The following CPED1 variants were observed in gnomAD, a reference collection of about 807,000 sequenced individuals.
CPED1 encodes the protein cadherin-like and PC-esterase domain-containing protein 1.
A neutral mutation model predicts 128.2 loss-of-function variants in CPED1; 114 were observed. The ratio of observed to expected loss-of-function variants is 0.89; its 90% CI spans 0.76 to 1.04. The LOEUF (loss-of-function observed/expected upper bound fraction) is 1.04. CPED1 is among the 50% of genes least tolerant of loss of function. The pLI is 0.00. For missense variants in CPED1, 1,211 were observed against 1,207.1 expected, an observed-to-expected ratio of 1.00 and a Z score of -0.05; for synonymous variants, 462 against 426.7, an observed-to-expected ratio of 1.08 and a Z score of -1.02.
chr7:121,226,545 C>A (rs1798017913), intron 16 of CPED1, among the ~76,000 whole-genome samples: 1 of 152,022 alleles, frequency 6.6e-6, no homozygotes, highest in Non-Finnish European at 1.5e-5. Flanking sequence ...ATGAAGTGCT[C>A]CAGTCAGTTT....
intron 22 of CPED1, among the ~76,000 whole-genome samples, chr7:121,278,848 G>A (rs556047611): frequency 6.6e-6 from 1 of 152,174 alleles, no homozygotes; most frequent in African/African-American, 2.4e-5. Flanking sequence ...AGTAACTTAT[G>A]TTGAACTACT....
chr7:121,182,332 C>T (rs7798060), intron 16 of CPED1, among the ~76,000 whole-genome samples: 52,457 of 151,242 alleles, frequency 0.35, 9,484 homozygotes, highest in Middle Eastern at 0.49. Flanking sequence ...AACAGACTAG[C>T]TCTTAGCAAA....
intron 22 of CPED1, among the ~76,000 whole-genome samples, chr7:121,287,313 G>C (rs1474170862): frequency 6.6e-6 from 1 of 152,012 alleles, no homozygotes; most frequent in Non-Finnish European, 1.5e-5. Context: ...TCATACACGA[G>C]AGGGTTATGG....
chr7:121,198,950 G>A (rs1193712944), intron 16 of CPED1, among the ~76,000 whole-genome samples: 1 of 152,092 alleles, frequency 6.6e-6, no homozygotes, highest in Non-Finnish European at 1.5e-5. Context: ...GCCCACCAAC[G>A]AGTGGTATTT....
intron 7 of CPED1, among the ~76,000 whole-genome samples, chr7:121,121,737 TAAG>T (rs1440988944): frequency 2.6e-5 from 4 of 152,186 alleles, no homozygotes; most frequent in Admixed American, 1.3e-4. Flanking sequence ...ATTTGTGAGT[TAAG>T]AAAGTGCATG....
At chr7:121,210,274 G>C (rs1797613640) in intron 16 of CPED1, among the ~76,000 whole-genome samples, 1 of 151,940 alleles carries the variant, frequency 6.6e-6, no homozygotes. Context: ...ACTAAAAGTA[G>C]AACTACCATG....
intron 7 of CPED1, among the ~76,000 whole-genome samples, chr7:121,109,475 G>A (rs1283643665): frequency 6.6e-6 from 1 of 152,116 alleles, no homozygotes; most frequent in Non-Finnish European, 1.5e-5. Context: ...AAACAGGAGA[G>A]GAAATTCCAA....
At position 121,285,934 on chromosome 7, in the gene CPED1, A is replaced by C. The variant is rs192846019; in HGVS notation, c.2869-9506A>C. On this transcript the variant is annotated intron_variant, in intron 22 of 22. Transcript: ENST00000310396. ...ACAGCAGTCCCCACTACTAGGTACC[A>C]ATATACTGTATTAGTCTGTTCTCAC... 2.0e-5 allele frequency among the ~76,000 whole-genome samples: 3 copies of C among 152,276 alleles called. No individual in the cohort carries two copies. The East Asian group carries it at 5.8e-4, about 29-fold the overall frequency.
rs1306777472 is a variant in CPED1, at chr7:121,087,667, G to GT, written c.617-10019dup. 1.1e-3 allele frequency among the ~76,000 whole-genome samples: 158 copies of GT among 139,118 alleles called. 2 individuals carry two copies. The highest frequency in any genetic ancestry group is 9.9e-3 in the South Asian group (46 of 4,632). 91.3% of individuals were successfully genotyped at this position (139,118 alleles called of 152,430 possible). A position where few individuals can be genotyped will look rare whatever the true frequency, so the allele number is the denominator to read the frequency against. ...ATTCTTTCTTTTTCTTTTCTTTCCT[G>GT]TTTTTTTTTTTTTGGCAGAGTCTTT... On this transcript the variant is annotated intron_variant, in intron 5 of 22. Coordinates refer to ENST00000310396, the MANE Select transcript of CPED1 (RefSeq NM_024913.5).
intron 22 of CPED1, among the ~76,000 whole-genome samples, chr7:121,272,384 CT>C (rs111802460): frequency 6.7e-5 from 10 of 149,056 alleles, no homozygotes; most frequent in Non-Finnish European, 4.5e-5. Flanking sequence ...CATGCTACTT[CT>C]TTTTTTTTTG....
At chr7:121,077,641 G>C (rs1366773747) in intron 5 of CPED1, among the ~76,000 whole-genome samples, 1 of 150,944 alleles carries the variant, frequency 6.6e-6, no homozygotes, top group African/African-American at 2.4e-5. Flanking sequence ...AAGGAAAGTA[G>C]GCTCAATAAT....
intron 4 of CPED1, chr7:121,051,981 A>G (rs1793365794): frequency 6.6e-6 from 1 of 152,262 alleles, no homozygotes; most frequent in African/African-American, 2.4e-5. Flanking sequence ...ATCCACATCC[A>G]ATAAAATCTC....
chr7:121,168,283 A>C (rs1376739069), intron 16 of CPED1, among the ~76,000 whole-genome samples: 3 of 152,224 alleles, frequency 2.0e-5, no homozygotes, highest in Admixed American at 6.5e-5. Context: ...AAAACCTGAA[A>C]TAATTTTTAA....
At chr7:121,204,615 A>G (rs1481230463) in intron 16 of CPED1, among the ~76,000 whole-genome samples, 1 of 152,126 alleles carries the variant, frequency 6.6e-6, no homozygotes, top group Non-Finnish European at 1.5e-5. Context: ...TTCACAGAGG[A>G]CTGGTCAGTA....
At chr7:121,160,060 C>A (rs1796379162) in intron 16 of CPED1, among the ~76,000 whole-genome samples, 1 of 151,620 alleles carries the variant, frequency 6.6e-6, no homozygotes, top group Admixed American at 6.6e-5. Flanking sequence ...AGTTGAAAAA[C>A]AGTATAAACA....
chr7:120,998,277 A>G (rs1172336436), intron 2 of CPED1, among the ~76,000 whole-genome samples: 1 of 152,184 alleles, frequency 6.6e-6, no homozygotes, highest in Non-Finnish European at 1.5e-5. Flanking sequence ...GAAACTAATA[A>G]ATTTGGGAAG....
intron 16 of CPED1, among the ~76,000 whole-genome samples, chr7:121,151,024 C>A (rs1302380327): frequency 6.6e-6 from 1 of 152,242 alleles, no homozygotes; most frequent in East Asian, 1.9e-4. Flanking sequence ...CCTCGGCCTC[C>A]CAAAGTGCTG....
intron 5 of CPED1, among the ~76,000 whole-genome samples, chr7:121,066,771 C>T (rs1585049597): frequency 6.6e-6 from 1 of 151,982 alleles, no homozygotes; most frequent in South Asian, 2.1e-4. Flanking sequence ...GGCTGTTGGC[C>T]CTCTGTATCT....
chr7:121,159,098 T>C (rs1245733368), intron 16 of CPED1, among the ~76,000 whole-genome samples: 2 of 152,178 alleles, frequency 1.3e-5, no homozygotes, highest in African/African-American at 2.4e-5. Context: ...GTATTGGTTT[T>C]CAGACTCTCT....
Sources: gnomAD v4.1 joint callset for allele counts (sites outside exome capture counted in the v4.1 genomes callset) on GRCh38, gnomAD v4.1.1 for gene constraint, MANE v1.5 for transcripts, NCBI Gene and HGNC (gene_info 2026-07-23, HGNC 2026-07-21) for gene names.